Variants in STEAP1B observed in about 807,000 individuals in gnomAD.
STEAP1B encodes the protein STEAP family member 1B.
A neutral mutation model predicts 27.9 loss-of-function variants in STEAP1B; 13 were observed. The ratio of observed to expected loss-of-function variants is 0.47; its 90% CI spans 0.30 to 0.74. The LOEUF is 0.74. STEAP1B is among the 30% of genes least tolerant of loss of function. STEAP1B has a pLI of 0.06. For synonymous variants in STEAP1B, 86 were observed against 107.1 expected (o/e 0.80, Z 1.22); for missense variants, 250 against 298.7 (o/e 0.84, Z 1.20).
At chr7:22,476,683 T>C (rs1025306394) in intron 4 of STEAP1B, among the ~76,000 whole-genome samples, 1 of 152,108 alleles carries the variant, frequency 6.6e-6, no homozygotes, top group Non-Finnish European at 1.5e-5. Flanking sequence ...CCATACAGGG[T>C]CATTCTTAGG....
chr7:22,472,945 G>A lies in STEAP1B; in HGVS notation c.762+19620C>T, dbSNP rs58549922. ...ATAAAATGGAGAGGATGATGATGGC[G>A]GGGCCTACCTCATAAGACTGCTCTA... is the stretch of plus-strand genomic sequence containing the variant. On this transcript the variant is annotated intron_variant, in intron 4 of 4. Transcript: ENST00000678116. Among the ~76,000 whole-genome samples the A allele has an allele frequency of 1.3e-3, 194 of 152,230 alleles. 1 individual carries two copies. In the East Asian group the frequency reaches 0.033, roughly 26 times the overall value.
intron 4 of STEAP1B, among the ~76,000 whole-genome samples, chr7:22,448,853 G>A (rs567574447): frequency 2.0e-5 from 3 of 152,116 alleles, no homozygotes; most frequent in Non-Finnish European, 4.4e-5. Context: ...TGCTTCCCTG[G>A]GAGCCAAAAG....
At chr7:22,432,158 T>C (rs912938236) in intron 4 of STEAP1B, among the ~76,000 whole-genome samples, 1 of 152,098 alleles carries the variant, frequency 6.6e-6, no homozygotes, top group Non-Finnish European at 1.5e-5. Flanking sequence ...AGTGAGAAGA[T>C]GGCTGTCTAT....
intron 4 of STEAP1B, among the ~76,000 whole-genome samples, chr7:22,427,239 T>A (rs908204109): frequency 6.6e-6 from 1 of 152,166 alleles, no homozygotes; most frequent in African/African-American, 2.4e-5. Context: ...GAAAACCGAC[T>A]GCAGGGGAGC....
At chr7:22,500,080 C>A (rs1786510502) in intron 1 of STEAP1B, 34 bp downstream of exon 1, 1 of 153,110 alleles carries the variant, frequency 6.5e-6, no homozygotes, top group South Asian at 2.1e-4. Flanking sequence ...ACTCGAGGAG[C>A]AAACGGCCAG....
At position 22,438,450 on chromosome 7, in the gene STEAP1B, T is replaced by C. The variant is rs375787591; in HGVS notation, c.763-18614A>G. On this transcript the variant is annotated intron_variant, in intron 4 of 4. Transcript: ENST00000678116. ...TGGTCTGGTCTGCAAGTATGTAAGA[T>C]GTATGAGCAGGGAACAAGGTTCTCA... 5 of 1,528,468 alleles carry C rather than the reference T, an allele frequency of 3.3e-6. No homozygotes were observed. The African/African-American group carries it at 6.9e-5, about 21-fold the overall frequency. 94.7% of individuals were successfully genotyped at this position (1,528,468 alleles called of 1,614,324 possible). A position where few individuals can be genotyped will look rare whatever the true frequency, so the allele number is the denominator to read the frequency against.
At position 22,453,673 on chromosome 7, in the gene STEAP1B, C is replaced by A. The variant is rs571848321; in HGVS notation, c.763-33837G>T. 3.3e-5 allele frequency among the ~76,000 whole-genome samples: 5 copies of A among 152,288 alleles called. No individual in the cohort carries two copies. The East Asian group carries it at 9.6e-4, about 29-fold the overall frequency. ...TGATCAAAACACAACATCAAATAAT[C>A]CAAAAAGATCCCTTGTGTCCCTTCT... On this transcript the variant is annotated intron_variant, in intron 4 of 4. Transcript: ENST00000678116.
At chr7:22,434,964 T>A (rs749042668) in intron 4 of STEAP1B, among the ~76,000 whole-genome samples, 1 of 152,068 alleles carries the variant, frequency 6.6e-6, no homozygotes, top group African/African-American at 2.4e-5. Context: ...TCCAGTGGAG[T>A]AGCTACTAGC....
intron 4 of STEAP1B, among the ~76,000 whole-genome samples, chr7:22,421,558 C>A (rs1785043167): frequency 6.6e-6 from 1 of 152,206 alleles, no homozygotes; most frequent in South Asian, 2.1e-4. Context: ...CTGTTGCCTG[C>A]AGGCACAGCT....
intron 4 of STEAP1B, among the ~76,000 whole-genome samples, chr7:22,462,240 T>C (rs899999213): frequency 6.6e-6 from 1 of 151,928 alleles, no homozygotes; most frequent in South Asian, 2.1e-4. Flanking sequence ...ATTAATTAAT[T>C]ATTATTATAC....
At chr7:22,489,021 G>A (rs749413286) in intron 4 of STEAP1B, among the ~76,000 whole-genome samples, 1 of 152,146 alleles carries the variant, frequency 6.6e-6, no homozygotes, top group Non-Finnish European at 1.5e-5. Context: ...CTTTTTACTG[G>A]GAATGAAGAG....
chr7:22,438,949 CA>C (rs146482130), intron 4 of STEAP1B, among the ~76,000 whole-genome samples: 4 of 151,552 alleles, frequency 2.6e-5, no homozygotes, highest in African/African-American at 9.7e-5. Flanking sequence ...CTGAATAAAA[CA>C]AAAAAAAGTG....
At chr7:22,427,897 G>A (rs1364413190) in intron 4 of STEAP1B, among the ~76,000 whole-genome samples, 1 of 152,226 alleles carries the variant, frequency 6.6e-6, no homozygotes, top group Non-Finnish European at 1.5e-5. Flanking sequence ...TGATTTGAAA[G>A]AAAGCCATGC....
At chr7:22,429,430 C>A (rs975218342) in intron 4 of STEAP1B, among the ~76,000 whole-genome samples, 1 of 152,122 alleles carries the variant, frequency 6.6e-6, no homozygotes, top group African/African-American at 2.4e-5. Flanking sequence ...CAGAATGATA[C>A]AATTTACAGT....
intron 4 of STEAP1B, among the ~76,000 whole-genome samples, chr7:22,454,857 A>ATG (rs1180617519): frequency 1.0e-4 from 7 of 68,102 alleles, no homozygotes; most frequent in Non-Finnish European, 1.6e-4. Context: ...ATGTATATAT[A>ATG]TATATATATT....
At chr7:22,472,605 T>C (rs1785904249) in intron 4 of STEAP1B, among the ~76,000 whole-genome samples, 1 of 152,218 alleles carries the variant, frequency 6.6e-6, no homozygotes, top group Admixed American at 6.5e-5. Context: ...CTTTCACACG[T>C]TGCTCTAAAC....
chr7:22,470,264 A>G (rs550502173), intron 4 of STEAP1B, among the ~76,000 whole-genome samples: 1 of 152,378 alleles, frequency 6.6e-6, no homozygotes, highest in Non-Finnish European at 1.5e-5. Flanking sequence ...CCGTATCGAA[A>G]GAGCACAGGA....
chr7:22,475,391 T>C (rs765192219), intron 4 of STEAP1B, among the ~76,000 whole-genome samples: 9 of 152,244 alleles, frequency 5.9e-5, no homozygotes, highest in Non-Finnish European at 1.0e-4. Context: ...GATTTCGTTC[T>C]GAGTCAGGGT....
At chr7:22,454,851 A>ATG (rs1785549622) in intron 4 of STEAP1B, among the ~76,000 whole-genome samples, 1 of 78,404 alleles carries the variant, frequency 1.3e-5, no homozygotes, top group African/African-American at 4.7e-5. Context: ...ATATATATGT[A>ATG]TATATATATA....
Sources: gnomAD v4.1 joint callset for allele counts (sites outside exome capture counted in the v4.1 genomes callset) on GRCh38, gnomAD v4.1.1 for gene constraint, MANE v1.5 for transcripts, NCBI Gene and HGNC (gene_info 2026-07-23, HGNC 2026-07-21) for gene names.